TPH2: variants seen among roughly 807,000 people sequenced by gnomAD.
The protein encoded by TPH2 is tryptophan hydroxylase 2.
TPH2 carries 27 observed loss-of-function variants against 59.1 expected under a neutral mutation model. That is an observed-to-expected ratio of 0.46 (90% CI 0.34 to 0.63). The LOEUF (loss-of-function observed/expected upper bound fraction) is 0.63, where lower values mean the gene tolerates loss of function less well. Ranked by LOEUF, TPH2 falls within the 30% of genes least tolerant of loss-of-function variation. TPH2 has a pLI of 0.01. For synonymous variants in TPH2, 220 were observed against 210.5 expected (o/e 1.05, Z -0.39); for missense variants, 523 against 588.3 (o/e 0.89, Z 1.15).
At chr12:71,959,697 A>G (rs1250439366) in intron 5 of TPH2, among the ~76,000 whole-genome samples, 3 of 152,146 alleles carry the variant, frequency 2.0e-5, no homozygotes, top group Non-Finnish European at 2.9e-5. Flanking sequence ...CACATTACCT[A>G]TTTTTAGATA....
intron 7 of TPH2, among the ~76,000 whole-genome samples, chr12:71,986,297 G>T (rs1045610628): frequency 1.3e-5 from 2 of 152,138 alleles, no homozygotes; most frequent in African/African-American, 4.8e-5. Context: ...CATGTGGAGG[G>T]ATAATGTGCC....
intron 6 of TPH2, among the ~76,000 whole-genome samples, chr12:71,975,540 C>G (rs1409019065): frequency 6.6e-6 from 1 of 152,192 alleles, no homozygotes; most frequent in Non-Finnish European, 1.5e-5. Context: ...CTGCCCTGTA[C>G]AAATCCTCTG....
At chr12:71,952,402 G>GT (rs1218844490) in intron 5 of TPH2, among the ~76,000 whole-genome samples, 1 of 152,064 alleles carries the variant, frequency 6.6e-6, no homozygotes, top group Non-Finnish European at 1.5e-5. Flanking sequence ...CTGGCTGTTG[G>GT]TAACTGAATG....
intron 7 of TPH2, among the ~76,000 whole-genome samples, chr12:71,980,753 C>T (rs993606699): frequency 2.6e-5 from 4 of 151,912 alleles, no homozygotes; most frequent in South Asian, 2.1e-4. Flanking sequence ...CCTGTGACAG[C>T]GTGCCAATAG....
At chr12:71,961,115 G>C (rs1026991130) in intron 5 of TPH2, among the ~76,000 whole-genome samples, 4 of 152,158 alleles carry the variant, frequency 2.6e-5, no homozygotes, top group African/African-American at 9.7e-5. Flanking sequence ...TGGGTACTCA[G>C]TACCTTGTAC....
intron 7 of TPH2, among the ~76,000 whole-genome samples, chr12:71,992,656 C>T (rs1245755195): frequency 6.6e-6 from 1 of 151,922 alleles, no homozygotes; most frequent in African/African-American, 2.4e-5. Context: ...GGAAAAGATT[C>T]TTAGATTTAC....
At chr12:71,985,484 C>T (rs1003764414) in intron 7 of TPH2, among the ~76,000 whole-genome samples, 8 of 152,130 alleles carry the variant, frequency 5.3e-5, no homozygotes, top group Middle Eastern at 3.4e-3. Context: ...CTGTAACCTC[C>T]GCCTCCTGGG....
chr12:71,983,068 TAA>T (rs57766617), intron 7 of TPH2, among the ~76,000 whole-genome samples: 59 of 149,900 alleles, frequency 3.9e-4, no homozygotes, highest in East Asian at 2.4e-3. Context: ...TCTATAAAAA[TAA>T]AAAAAAAAAA....
rs201945643 is a variant in TPH2, at chr12:71,944,244, T to C, written c.256-50T>C. 653 of 1,599,336 alleles carry C rather than the reference T, an allele frequency of 4.1e-4. 2 individuals are homozygous for C. The African/African-American group carries it at 7.9e-3, about 19-fold the overall frequency. On this transcript the variant is annotated intron_variant, in intron 2 of 10. Coordinates refer to ENST00000333850, the MANE Select transcript of TPH2 (RefSeq NM_173353.4). ...ATGTGAACAAGAAAAGCTCATGGCA[T>C]TCCTTTTATTGTCCCTGAAGGTGAT...
intron 6 of TPH2, among the ~76,000 whole-genome samples, chr12:71,973,353 A>G (rs1422835856): frequency 2.0e-5 from 3 of 152,186 alleles, no homozygotes; most frequent in Admixed American, 1.3e-4. Flanking sequence ...CAAAACCAAG[A>G]TGACGATGAG....
chr12:71,948,167 A>T (rs964773115), intron 4 of TPH2, among the ~76,000 whole-genome samples: 4 of 151,260 alleles, frequency 2.6e-5, no homozygotes, highest in African/African-American at 9.7e-5. Context: ...ATTTTATTTT[A>T]TTATTATTAT....
chr12:71,990,696 A>C (rs981077722), intron 7 of TPH2, among the ~76,000 whole-genome samples: 1 of 152,196 alleles, frequency 6.6e-6, no homozygotes, highest in Non-Finnish European at 1.5e-5. Flanking sequence ...CAAAGACATA[A>C]AATATAATAA....
chr12:71,964,848 T>G, intron 5 of TPH2: 4 of 582,396 alleles, frequency 6.9e-6, no homozygotes, highest in Non-Finnish European at 8.7e-6. Context: ...TAAACACATG[T>G]CATGGGGTTT....
At chr12:72,006,840 T>C (rs778221840) in intron 8 of TPH2, among the ~76,000 whole-genome samples, 1 of 152,146 alleles carries the variant, frequency 6.6e-6, no homozygotes, top group Admixed American at 6.5e-5. Context: ...CTAATGATAC[T>C]ATACAATCTT....
chr12:71,983,984 A>G (rs1199844688), intron 7 of TPH2, among the ~76,000 whole-genome samples: 1 of 152,136 alleles, frequency 6.6e-6, no homozygotes, highest in Non-Finnish European at 1.5e-5. Flanking sequence ...GTGGTGTTCT[A>G]TTTCTAATGC....
intron 5 of TPH2, among the ~76,000 whole-genome samples, chr12:71,956,200 G>A (rs1871490533): frequency 6.6e-6 from 1 of 152,206 alleles, no homozygotes; most frequent in Admixed American, 6.5e-5. Context: ...CCAAGAGAGT[G>A]AGCAAGGCAG....
chr12:72,000,620 C>T (rs909246467), intron 8 of TPH2, among the ~76,000 whole-genome samples: 4 of 152,144 alleles, frequency 2.6e-5, no homozygotes, highest in Non-Finnish European at 2.9e-5. Context: ...GTATGTCTTT[C>T]GAAAGGCACA....
At chr12:71,970,733 G>A (rs1234926608) in intron 5 of TPH2, among the ~76,000 whole-genome samples, 1 of 152,190 alleles carries the variant, frequency 6.6e-6, no homozygotes, top group Non-Finnish European at 1.5e-5. Flanking sequence ...TCACAGGTGT[G>A]AGGTCTTAGA....
Position 71,975,217 on chromosome 12 carries a change from C to T in TPH2, c.805+2502C>T, listed in dbSNP as rs370121215. Among the ~76,000 whole-genome samples, 115 of 152,162 alleles carry T rather than the reference C, an allele frequency of 7.6e-4. 1 individual carries two copies. The highest frequency in any genetic ancestry group is 2.6e-3 in the African/African-American group (106 of 41,496). On this transcript the variant is annotated intron_variant, in intron 6 of 10. Transcript: ENST00000333850. Reference sequence around the variant, plus strand: ...AAAATTGGCTGGGCGTGGTGGTGGGCGCCTGCAGTCCTAGCTACTTGTGGG... The same window carrying T: ...AAAATTGGCTGGGCGTGGTGGTGGGTGCCTGCAGTCCTAGCTACTTGTGGG...
Sources: gnomAD v4.1 joint callset for allele counts (sites outside exome capture counted in the v4.1 genomes callset) on GRCh38, gnomAD v4.1.1 for gene constraint, MANE v1.5 for transcripts, NCBI Gene and HGNC (gene_info 2026-07-23, HGNC 2026-07-21) for gene names.